The following P3H2 variants were observed in gnomAD, a reference collection of about 807,000 sequenced individuals.
The protein encoded by P3H2 is leprecan-like 1.
In P3H2, 80 loss-of-function variants were observed where a neutral mutation model predicts 87.0. The ratio of observed to expected loss-of-function variants is 0.92; its 90% CI spans 0.77 to 1.11. The LOEUF is 1.11. P3H2 is among the 50% of genes least tolerant of loss of function. P3H2 has a pLI of 0.00. For missense variants in P3H2, 1,001 were observed against 923.9 expected (o/e 1.08, Z -1.08); for synonymous variants, 367 against 359.3 (o/e 1.02, Z -0.24).
chr3:190,043,479 C>G (rs773920774), intron 1 of P3H2, among the ~76,000 whole-genome samples: 2 of 152,180 alleles, frequency 1.3e-5, no homozygotes, highest in Non-Finnish European at 2.9e-5. Flanking sequence ...GAAGAAAGAA[C>G]AGCAGAGTGC....
chr3:190,051,358 C>T (rs1725977274), intron 1 of P3H2, among the ~76,000 whole-genome samples: 1 of 49,488 alleles, frequency 2.0e-5, no homozygotes, highest in African/African-American at 1.1e-4. Flanking sequence ...AATTTTATGG[C>T]ATTAAGATGT....
chr3:190,095,255 A>G (rs562046502), intron 1 of P3H2, among the ~76,000 whole-genome samples: 1 of 145,854 alleles, frequency 6.9e-6, no homozygotes, highest in Non-Finnish European at 1.5e-5. Context: ...ACACCTATAC[A>G]CAGGAACTTG....
rs1158348514 is a variant in P3H2, at chr3:190,105,819, T to C, written c.480+14433A>G. ...AGTAACTGGCCCAATGCTGCCCTAG[T>C]CCAAATGCAAACCCCAAGGACTAGA... is the stretch of plus-strand genomic sequence containing the variant. On this transcript the variant is annotated intron_variant, in intron 1 of 14. Coordinates refer to ENST00000319332, the MANE Select transcript of P3H2 (RefSeq NM_018192.4). 2.6e-5 allele frequency among the ~76,000 whole-genome samples: 4 copies of C among 152,290 alleles called. No individual in the cohort carries two copies. In the East Asian group the frequency reaches 7.7e-4, roughly 29 times the overall value.
Position 190,049,499 on chromosome 3 carries a change from T to C in P3H2, c.481-54057A>G, listed in dbSNP as rs150226346. On this transcript the variant is annotated intron_variant, in intron 1 of 14. Transcript: ENST00000319332. Reference sequence around the variant, plus strand: ...TATTCTCAGGTTGATGAGTGGTTGTTGATATGTGACAAATACATTTCGCTT... The same window carrying C: ...TATTCTCAGGTTGATGAGTGGTTGTCGATATGTGACAAATACATTTCGCTT... 4.7e-3 allele frequency among the ~76,000 whole-genome samples: 722 copies of C among 152,350 alleles called. 3 individuals carry two copies. Among genetic ancestry groups the C allele is most frequent in the Non-Finnish European group, 7.1e-3 (482 of 68,032 alleles).
chr3:190,033,509 A>G (rs1560371192), intron 1 of P3H2, among the ~76,000 whole-genome samples: 1 of 152,194 alleles, frequency 6.6e-6, no homozygotes, highest in Admixed American at 6.5e-5. Flanking sequence ...GTCATTTATG[A>G]CTGCAAAAAG....
chr3:190,008,535 G>A (rs1724466441), intron 1 of P3H2, among the ~76,000 whole-genome samples: 1 of 152,152 alleles, frequency 6.6e-6, no homozygotes. Flanking sequence ...TAAAAAAACT[G>A]AGGGTTTCTG....
intron 1 of P3H2, among the ~76,000 whole-genome samples, chr3:190,065,629 CA>C (rs1399630019): frequency 2.0e-5 from 3 of 151,854 alleles, no homozygotes; most frequent in South Asian, 4.2e-4. Flanking sequence ...ATACAGGATT[CA>C]AAAAAATATT....
chr3:189,991,085 G>A (rs757324098), intron 3 of P3H2, among the ~76,000 whole-genome samples: 2 of 152,138 alleles, frequency 1.3e-5, no homozygotes, highest in African/African-American at 2.4e-5. Flanking sequence ...CTATAATAAA[G>A]GAAGAATCTG....
intron 12 of P3H2, among the ~76,000 whole-genome samples, chr3:189,971,152 C>T (rs1169535845): frequency 1.3e-5 from 2 of 152,234 alleles, no homozygotes; most frequent in Non-Finnish European, 2.9e-5. Flanking sequence ...ACTTCCTCCA[C>T]AGAAAACCTA....
Position 189,994,265 on chromosome 3 carries a change from C to G in P3H2, c.652G>C (p.Val218Leu), listed in dbSNP as rs1404995845. Residue 218 changes from valine to leucine, a missense_variant, in exon 3 of 15, where the codon GTT (valine) becomes CTT (leucine). Physicochemically the swap from Val to Leu is conservative, Grantham distance 32. Coordinates refer to ENST00000319332, the MANE Select transcript of P3H2 (RefSeq NM_018192.4). ...KPHMESYNAG[V>L]KHYEADDFEM... The stretch of plus-strand genomic sequence containing the variant: ...AAGTCATCAGCCTCATAATGTTTAA[C>G]TCCTGCATTGTAACTCTCCTGTAAT... The G allele has an allele frequency of 2.5e-6, 4 of 1,612,136 alleles. No individual in the cohort carries two copies. The highest frequency in any genetic ancestry group is 2.5e-6 in the Non-Finnish European group (3 of 1,178,592).
chr3:190,107,894 ACTGTCT>A (rs1365831176), intron 1 of P3H2, among the ~76,000 whole-genome samples: 4 of 149,278 alleles, frequency 2.7e-5, no homozygotes, highest in Non-Finnish European at 6.0e-5. Context: ...CAAATTTTTC[ACTGTCT>A]CTGTTTCCAA....
intron 1 of P3H2, 45 bp downstream of exon 1, chr3:190,120,207 T>TTC: frequency 6.3e-7 from 1 of 1,593,688 alleles, no homozygotes; most frequent in Non-Finnish European, 8.5e-7. Flanking sequence ...AGAGAGCGTG[T>TTC]GAGAGCCGCA....
At chr3:190,006,774 G>GCATGA (rs371040453) in intron 1 of P3H2, among the ~76,000 whole-genome samples, 235 of 152,308 alleles carry the variant, frequency 1.5e-3, no homozygotes, top group African/African-American at 5.6e-3. Flanking sequence ...CTGCAGAATA[G>GCATGA]TAATGTTACA....
chr3:190,058,676 C>G (rs2108965474), intron 1 of P3H2, among the ~76,000 whole-genome samples: 1 of 152,268 alleles, frequency 6.6e-6, no homozygotes. Context: ...CTGATGCAGA[C>G]AGCAAGTTAT....
chr3:190,036,802 C>T (rs988431614), intron 1 of P3H2, among the ~76,000 whole-genome samples: 6 of 152,166 alleles, frequency 3.9e-5, no homozygotes, highest in African/African-American at 1.4e-4. Flanking sequence ...ATCCCTTCTC[C>T]TCCACTGTGA....
In P3H2 at chr3:189,981,176, C is replaced by T. The variant is rs576594539; in HGVS notation, c.1324+1870G>A. ...AGTTTCCTGAGTTCTGTGGGATGCT[C>T]TAGCAAATTAACCTAACCCAAAGTC... On this transcript the variant is annotated intron_variant, in intron 8 of 14. Transcript: ENST00000319332. Among the ~76,000 whole-genome samples, 3 of 152,316 alleles carry T rather than the reference C, an allele frequency of 2.0e-5. No homozygotes were observed. In the South Asian group the frequency reaches 6.2e-4, roughly 32 times the overall value.
chr3:190,071,261 T>G (rs1047157295), intron 1 of P3H2, among the ~76,000 whole-genome samples: 1 of 152,212 alleles, frequency 6.6e-6, no homozygotes, highest in African/African-American at 2.4e-5. Flanking sequence ...TACATTAATT[T>G]TGAAATGTCT....
chr3:190,111,834 C>T lies in P3H2; in HGVS notation c.480+8418G>A, dbSNP rs543806796. ...TTGCCATAAACAATATTCTTGACAG[C>T]CTCAATGTCACAATCACAGACCTGA... On this transcript the variant is annotated intron_variant, in intron 1 of 14. Transcript: ENST00000319332. Among the ~76,000 whole-genome samples the T allele has an allele frequency of 6.6e-5, 10 of 152,276 alleles. No homozygotes were observed. The East Asian group carries it at 1.9e-3, about 29-fold the overall frequency.
At chr3:190,041,080 A>ACACT (rs1553877886) in intron 1 of P3H2, among the ~76,000 whole-genome samples, 1 of 40,600 alleles carries the variant, frequency 2.5e-5, no homozygotes, top group East Asian at 1.6e-3. Context: ...ACACACACAC[A>ACACT]CTCTCTCTCT....
Sources: allele counts gnomAD v4.1 joint callset (sites outside exome capture counted in the v4.1 genomes callset), GRCh38; gene constraint gnomAD v4.1.1; transcripts MANE v1.5; gene names NCBI Gene and HGNC (gene_info 2026-07-23, HGNC 2026-07-21).